DLC1: variants seen among roughly 807,000 people sequenced by gnomAD.
DLC1 encodes the protein rho GTPase-activating protein 7.
In DLC1, 54 loss-of-function variants were observed where a neutral mutation model predicts 140.3. The observed-to-expected ratio is 0.38, with a 90% CI of 0.31 to 0.48. DLC1 has a LOEUF of 0.48. Among genes scored for constraint, DLC1 ranks in the 20% least tolerant of loss-of-function variants. The probability of loss-of-function intolerance (pLI) is 0.96; values close to 1 mark genes in which losing one functional copy is unlikely to be tolerated. For synonymous variants in DLC1, 986 were observed against 728.1 expected (o/e 1.35, Z -5.70); for missense variants, 2,536 against 1,907.0 (o/e 1.33, Z -6.14).
chr8:13,171,425 C>G (rs1321972395), intron 5 of DLC1, among the ~76,000 whole-genome samples: 2 of 148,812 alleles, frequency 1.3e-5, no homozygotes, highest in African/African-American at 2.4e-5. Context: ...CTCTGTCACT[C>G]AGACTGGAGT....
At chr8:13,595,382 G>A (rs1177572465) in intron 1 of DLC1, among the ~76,000 whole-genome samples, 1 of 151,958 alleles carries the variant, frequency 6.6e-6, no homozygotes, top group African/African-American at 2.4e-5. Flanking sequence ...TTGCATGATG[G>A]AAATAATAGT....
At chr8:13,120,356 AAT>A (rs1554577907) in intron 5 of DLC1, among the ~76,000 whole-genome samples, 1 of 61,136 alleles carries the variant, frequency 1.6e-5, no homozygotes, top group African/African-American at 4.2e-5. Flanking sequence ...AAAAAAAAAA[AAT>A]ATATATATAT....
At chr8:13,289,175 A>T (rs1166163847) in intron 5 of DLC1, among the ~76,000 whole-genome samples, 1 of 152,024 alleles carries the variant, frequency 6.6e-6, no homozygotes, top group Non-Finnish European at 1.5e-5. Flanking sequence ...AATACCCTCC[A>T]TCTCATAGAG....
At chr8:13,237,919 G>A (rs1191686420) in intron 5 of DLC1, among the ~76,000 whole-genome samples, 2 of 149,890 alleles carry the variant, frequency 1.3e-5, no homozygotes, top group Non-Finnish European at 3.0e-5. Flanking sequence ...AAAGAAAGAA[G>A]GAAAGAGAGA....
chr8:13,219,721 T>C (rs115731257), intron 5 of DLC1, among the ~76,000 whole-genome samples: 2,118 of 152,180 alleles, frequency 0.014, 60 homozygotes, highest in African/African-American at 0.048. Context: ...CAAAAACTTG[T>C]ATAAGAATGT....
At chr8:13,132,669 C>T (rs542993030) in intron 5 of DLC1, among the ~76,000 whole-genome samples, 84 of 152,270 alleles carry the variant, frequency 5.5e-4, no homozygotes, top group African/African-American at 2.0e-3. Context: ...TCACGGGTTG[C>T]GACCGATCCG....
At chr8:13,125,087 C>G (rs1437623306) in intron 5 of DLC1, among the ~76,000 whole-genome samples, 1 of 152,080 alleles carries the variant, frequency 6.6e-6, no homozygotes, top group Admixed American at 6.6e-5. Context: ...AGCCATTCTC[C>G]TTCCTCACCC....
At position 13,363,197 on chromosome 8, in the gene DLC1, C is replaced by G. The variant is rs964960975; in HGVS notation, c.1314+30356G>C. Among the ~76,000 whole-genome samples the G allele has an allele frequency of 5.9e-5, 9 of 152,254 alleles. No individual in the cohort carries two copies. In the South Asian group the frequency reaches 1.2e-3, roughly 21 times the overall value. ...CCATGGAACTAACCTGAAAGTATTT[C>G]TGTATTTTAATTTGGATTTCTTTGT... On this transcript the variant is annotated intron_variant, in intron 4 of 17. Coordinates refer to ENST00000276297, the MANE Select transcript of DLC1 (RefSeq NM_182643.3).
chr8:13,332,960 T>A (rs73564606), intron 4 of DLC1, among the ~76,000 whole-genome samples: 1,591 of 152,214 alleles, frequency 0.01, 28 homozygotes, highest in African/African-American at 0.036. Flanking sequence ...AAAATAAAAT[T>A]TATGTTTATC....
At position 13,135,160 on chromosome 8, in the gene DLC1, A is replaced by T. The variant is rs140583693; in HGVS notation, c.1349-19503T>A. On this transcript the variant is annotated intron_variant, in intron 5 of 17. Coordinates refer to ENST00000276297, the MANE Select transcript of DLC1 (RefSeq NM_182643.3). Reference sequence around the variant, plus strand: ...GCAAGAAGTTTCAGTCCCCTGCGTGACTATGTTAAGGAAAGTCCTTAGGAG... The same window carrying T: ...GCAAGAAGTTTCAGTCCCCTGCGTGTCTATGTTAAGGAAAGTCCTTAGGAG... 8.3e-3 allele frequency among the ~76,000 whole-genome samples: 1,250 copies of T among 151,310 alleles called. 26 individuals are homozygous for T. The highest frequency in any genetic ancestry group is 0.028 in the African/African-American group (1,166 of 41,066).
At chr8:13,194,624 T>C (rs1024000365) in intron 5 of DLC1, among the ~76,000 whole-genome samples, 12 of 152,218 alleles carry the variant, frequency 7.9e-5, no homozygotes, top group African/African-American at 2.7e-4. Flanking sequence ...GACTCCATTC[T>C]GGGGATTAAA....
intron 4 of DLC1, among the ~76,000 whole-genome samples, chr8:13,355,963 A>G (rs1224094228): frequency 2.6e-5 from 4 of 151,194 alleles, no homozygotes; most frequent in East Asian, 2.0e-4. Flanking sequence ...AGTGGCGGGC[A>G]CCTGTAGTCC....
chr8:13,411,171 C>T (rs1837763631), intron 2 of DLC1, among the ~76,000 whole-genome samples: 1 of 152,060 alleles, frequency 6.6e-6, no homozygotes, highest in South Asian at 2.1e-4. Context: ...ACCAAGATAC[C>T]CTTCAGTAGG....
At chr8:13,097,249 T>TTATTA (rs1818578204) in intron 10 of DLC1, among the ~76,000 whole-genome samples, 2 of 147,006 alleles carry the variant, frequency 1.4e-5, no homozygotes, top group East Asian at 4.0e-4. Context: ...CACATCCAAA[T>TTATTA]TTATTATTAT....
At chr8:13,370,173 C>G (rs191280162) in intron 4 of DLC1, among the ~76,000 whole-genome samples, 2 of 151,962 alleles carry the variant, frequency 1.3e-5, no homozygotes, top group African/African-American at 4.8e-5. Flanking sequence ...GGCCACAGCT[C>G]ACCCATTCTT....
In DLC1 at chr8:13,100,050, G is replaced by T; in HGVS notation, c.2287C>A (p.Arg763=). Residue 763 remains arginine (R), a synonymous_variant, in exon 9 of 18, where the codon CGG becomes AGG. Transcript: ENST00000276297. Reference sequence around the variant, plus strand: ...CGCTTGTTGCACGCACTGAGGCTCCGGGTCCTCGTAACAGGGCTGGGCGTG... The same window carrying T: ...CGCTTGTTGCACGCACTGAGGCTCCTGGTCCTCGTAACAGGGCTGGGCGTG... ...VSTPSPVTRT[R]SLSACNKRVG... 1.2e-6 allele frequency: 2 copies of T among 1,613,154 alleles called. No individual in the cohort carries two copies. The highest frequency in any genetic ancestry group is 1.7e-6 in the Non-Finnish European group (2 of 1,180,032).
In DLC1 at chr8:13,499,747, G is replaced by T; in HGVS notation, c.325C>A (p.His109Asn). The T allele has an allele frequency of 6.2e-7, 1 of 1,614,028 alleles. No individual in the cohort carries two copies. The highest frequency in any genetic ancestry group is 8.5e-7 in the Non-Finnish European group (1 of 1,179,962). The change falls in exon 2 of 18, where the codon CAT becomes AAT. Residue 109 changes from histidine to asparagine, a missense_variant. Transcript: ENST00000276297. ...GCATTGTTATCCTCATCAGAAACATGCACTAGTGTTTCTGTGCTGGCTTCC... is the reference window on the plus strand; with the variant it reads ...GCATTGTTATCCTCATCAGAAACATTCACTAGTGTTTCTGTGCTGGCTTCC... ...SLEASTETLVHVSDEDNNADL... is the reference protein window; with the variant it reads ...SLEASTETLVNVSDEDNNADL...
intron 5 of DLC1, among the ~76,000 whole-genome samples, chr8:13,205,352 TTTAAC>T (rs1158039646): frequency 6.6e-6 from 1 of 152,206 alleles, no homozygotes; most frequent in Non-Finnish European, 1.5e-5. Context: ...TTTGCAAATA[TTTAAC>T]TTAAGTGGAT....
At chr8:13,303,288 C>A (rs1365278552) in intron 5 of DLC1, among the ~76,000 whole-genome samples, 1 of 152,056 alleles carries the variant, frequency 6.6e-6, no homozygotes. Flanking sequence ...CATCCTGGGG[C>A]CTGTGGAGAT....
Sources: gnomAD v4.1 joint callset for allele counts (sites outside exome capture counted in the v4.1 genomes callset) on GRCh38, gnomAD v4.1.1 for gene constraint, MANE v1.5 for transcripts, NCBI Gene and HGNC (gene_info 2026-07-23, HGNC 2026-07-21) for gene names.